STRN3: variants seen among roughly 807,000 people sequenced by gnomAD.
The protein encoded by STRN3 is striatin-3.
A neutral mutation model predicts 95.6 loss-of-function variants in STRN3; 29 were observed. That is an observed-to-expected ratio of 0.30 (90% CI 0.23 to 0.41). The LOEUF (loss-of-function observed/expected upper bound fraction) is 0.41, where lower values mean the gene tolerates loss of function less well. Ranked by LOEUF, STRN3 falls within the 10% of genes least tolerant of loss-of-function variation. The pLI, the probability that STRN3 is intolerant of heterozygous loss-of-function variation, is 1.00. For synonymous variants in STRN3, 331 were observed against 357.6 expected (o/e 0.93, Z 0.84); for missense variants, 890 against 972.1 (o/e 0.92, Z 1.12).
chr14:30,899,741 AC>A lies in STRN3; in HGVS notation c.2137+2794del, dbSNP rs527615990. On this transcript the variant is annotated intron_variant, in intron 16 of 17. Transcript: ENST00000357479. ...TAAGGCAAAGCTTCATCTTGCACAT[AC>A]CCCCCCCACCCCCTCTTATTTCCTC... is the stretch of plus-strand genomic sequence containing the variant. Among the ~76,000 whole-genome samples the A allele has an allele frequency of 6.0e-3, 882 of 148,022 alleles. 5 individuals are homozygous for A. Among genetic ancestry groups the A allele is most frequent in the African/African-American group, 0.021 (837 of 40,332 alleles).
chr14:30,941,895 G>A (rs968371196), intron 5 of STRN3, among the ~76,000 whole-genome samples: 1 of 152,124 alleles, frequency 6.6e-6, no homozygotes, highest in African/African-American at 2.4e-5. Flanking sequence ...CAAAGTGCTG[G>A]GATTACAGGC....
intron 17 of STRN3, 38 bp from the exon 18 acceptor site, chr14:30,895,618 A>G: frequency 6.2e-7 from 1 of 1,610,620 alleles, no homozygotes; most frequent in Non-Finnish European, 8.5e-7. Flanking sequence ...CTGAGTAACA[A>G]TCTTTTATAA....
At chr14:30,986,363 G>A (rs981475234) in intron 1 of STRN3, among the ~76,000 whole-genome samples, 7 of 152,126 alleles carry the variant, frequency 4.6e-5, no homozygotes, top group Non-Finnish European at 8.8e-5. Context: ...AACATAGAAA[G>A]GGACAGTCCA....
intron 5 of STRN3, among the ~76,000 whole-genome samples, chr14:30,937,555 C>A (rs1019570741): frequency 9.2e-5 from 14 of 151,854 alleles, no homozygotes; most frequent in African/African-American, 3.4e-4. Flanking sequence ...TATGCACACA[C>A]AAAAAAAGGT....
At chr14:30,936,723 A>T in intron 5 of STRN3, 99 bp from the exon 6 acceptor site, 1 of 1,407,544 alleles carries the variant, frequency 7.1e-7, no homozygotes, top group Non-Finnish European at 9.5e-7. Flanking sequence ...AACTAGAGAG[A>T]TTCGAATGAC....
chr14:30,949,540 G>C (rs1026408092), intron 4 of STRN3, among the ~76,000 whole-genome samples: 6 of 152,192 alleles, frequency 3.9e-5, no homozygotes, highest in Admixed American at 1.3e-4. Context: ...GAACCCGGGA[G>C]GCGGAGGTTG....
chr14:30,983,091 CAAT>C (rs1881491674), intron 1 of STRN3, among the ~76,000 whole-genome samples: 1 of 152,144 alleles, frequency 6.6e-6, no homozygotes, highest in Admixed American at 6.5e-5. Context: ...TGTAAAGACT[CAAT>C]AAATATTTGG....
intron 9 of STRN3, among the ~76,000 whole-genome samples, chr14:30,918,521 A>AG (rs1566434847): frequency 1.1e-5 from 1 of 87,416 alleles, no homozygotes; most frequent in Non-Finnish European, 2.9e-5. Context: ...GGAAAAAAAA[A>AG]GAAAAAAAAA....
chr14:30,910,361 T>C (rs1039905837), intron 13 of STRN3, among the ~76,000 whole-genome samples: 3 of 152,238 alleles, frequency 2.0e-5, no homozygotes, highest in Admixed American at 1.3e-4. Flanking sequence ...CTAAATCTTA[T>C]TTCTTGACAT....
chr14:30,897,099 G>C (rs1896176036), intron 16 of STRN3, among the ~76,000 whole-genome samples: 1 of 152,144 alleles, frequency 6.6e-6, no homozygotes, highest in African/African-American at 2.4e-5. Flanking sequence ...TGTCCCTAAT[G>C]AAAGATAGAG....
At chr14:30,939,209 T>A (rs1256065702) in intron 5 of STRN3, among the ~76,000 whole-genome samples, 1 of 152,170 alleles carries the variant, frequency 6.6e-6, no homozygotes, top group Non-Finnish European at 1.5e-5. Flanking sequence ...CAGAAGACTG[T>A]CTCTATCTTA....
intron 1 of STRN3, among the ~76,000 whole-genome samples, chr14:30,996,662 T>C (rs1420239457): frequency 1.3e-5 from 2 of 152,040 alleles, no homozygotes; most frequent in Non-Finnish European, 2.9e-5. Flanking sequence ...GGTCAGGAGA[T>C]CAAGACCATC....
In STRN3 at chr14:30,902,477, A is replaced by AT. The variant is rs1462931662; in HGVS notation, c.2137+58dup. 15 of 1,193,966 alleles carry AT rather than the reference A, an allele frequency of 1.3e-5. No homozygotes were observed. In the African/African-American group the frequency reaches 1.7e-4, roughly 14 times the overall value. 74.0% of individuals were successfully genotyped at this position (1,193,966 alleles called of 1,614,324 possible). On this transcript the variant is annotated intron_variant, in intron 16 of 17. Coordinates refer to ENST00000357479, the MANE Select transcript of STRN3 (RefSeq NM_001083893.2). The stretch of plus-strand genomic sequence containing the variant: ...GTCAATATATCTTACATAAAACAGC[A>AT]TTTTTGATCATCTCAAATTTACAGT...
chr14:30,911,227 TC>T, intron 12 of STRN3, 65 bp from the exon 13 acceptor site: 1 of 1,500,772 alleles, frequency 6.7e-7, no homozygotes, highest in Non-Finnish European at 9.0e-7. Flanking sequence ...AAATCTCCAT[TC>T]CCCCAACCTC....
intron 1 of STRN3, among the ~76,000 whole-genome samples, chr14:30,956,936 A>G (rs1323671706): frequency 6.6e-6 from 1 of 152,166 alleles, no homozygotes; most frequent in Admixed American, 6.5e-5. Context: ...AGGCAGGCAG[A>G]TCACCTGAGG....
intron 1 of STRN3, among the ~76,000 whole-genome samples, chr14:30,987,056 C>T (rs1373144253): frequency 2.0e-5 from 3 of 152,240 alleles, no homozygotes; most frequent in Middle Eastern, 3.4e-3. Context: ...CATAAACTTA[C>T]CCTCTTTATG....
Position 30,918,856 on chromosome 14 carries a change from C to T in STRN3, c.1240+110G>A, listed in dbSNP as rs1292926005. 1.4e-5 allele frequency: 16 copies of T among 1,135,820 alleles called. No homozygotes were observed. The East Asian group carries it at 2.5e-4, about 18-fold the overall frequency. 70.4% of individuals were successfully genotyped at this position (1,135,820 alleles called of 1,614,324 possible). The stretch of plus-strand genomic sequence containing the variant: ...CTTGCCCAACACCTTCTCTAAAGAT[C>T]ATATAAAATGATCATCAGCATTTTA... On this transcript the variant is annotated intron_variant, in intron 9 of 17. Coordinates refer to ENST00000357479, the MANE Select transcript of STRN3 (RefSeq NM_001083893.2).
At chr14:30,953,625 G>C (rs914667888) in intron 3 of STRN3, among the ~76,000 whole-genome samples, 1 of 152,118 alleles carries the variant, frequency 6.6e-6, no homozygotes, top group African/African-American at 2.4e-5. Flanking sequence ...CTGGATCATA[G>C]GGTATGTATA....
Position 30,966,319 on chromosome 14 carries a change from C to T in STRN3, c.283-10077G>A, listed in dbSNP as rs943769107. Among the ~76,000 whole-genome samples the T allele has an allele frequency of 2.0e-5, 3 of 152,164 alleles. 1 individual carries two copies. The highest frequency in any genetic ancestry group is 4.4e-5 in the Non-Finnish European group (3 of 68,028). ...CACCCTTCTATACAGAAGTAACTTG[C>T]CTTGCTGAGAATTAAAAAGAAAATT... On this transcript the variant is annotated intron_variant, in intron 1 of 17. Transcript: ENST00000357479.
Sources: gnomAD v4.1 joint callset for allele counts (sites outside exome capture counted in the v4.1 genomes callset) on GRCh38, gnomAD v4.1.1 for gene constraint, MANE v1.5 for transcripts, NCBI Gene and HGNC (gene_info 2026-07-23, HGNC 2026-07-21) for gene names.